VWA3B: variants seen among roughly 807,000 people sequenced by gnomAD.
VWA3B encodes the protein von Willebrand factor A domain containing 3B, also known as von Willebrand factor A domain-containing protein 3B.
A neutral mutation model predicts 158.3 loss-of-function variants in VWA3B; 138 were observed. The observed-to-expected ratio is 0.87, with a 90% CI of 0.76 to 1.00. The LOEUF is 1.00. VWA3B is among the 50% of genes least tolerant of loss of function. The pLI is 0.00. For synonymous variants in VWA3B, 596 were observed against 587.3 expected (o/e 1.01, Z -0.21); for missense variants, 1,555 against 1,565.1 (o/e 0.99, Z 0.11).
At chr2:98,306,396 C>A (rs997901261) in intron 26 of VWA3B, among the ~76,000 whole-genome samples, 6 of 152,184 alleles carry the variant, frequency 3.9e-5, no homozygotes, top group African/African-American at 1.4e-4. Flanking sequence ...TATACAGACA[C>A]ATGCTAGCAG....
At chr2:98,109,588 G>A (rs561735925) in intron 2 of VWA3B, among the ~76,000 whole-genome samples, 2 of 152,224 alleles carry the variant, frequency 1.3e-5, no homozygotes, top group African/African-American at 4.8e-5. Flanking sequence ...TTTGCCTATA[G>A]TTTTGCTTAC....
intron 23 of VWA3B, among the ~76,000 whole-genome samples, chr2:98,294,886 G>A (rs1025250019): frequency 1.3e-5 from 2 of 152,140 alleles, no homozygotes; most frequent in African/African-American, 2.4e-5. Flanking sequence ...CTTCTCCAAC[G>A]GGATTTAAAA....
chr2:98,222,589 C>T (rs1226803835), intron 14 of VWA3B, among the ~76,000 whole-genome samples: 1 of 152,076 alleles, frequency 6.6e-6, no homozygotes, highest in East Asian at 1.9e-4. Context: ...TCCCTGTGGG[C>T]CAAGGGCTCT....
At chr2:98,145,025 C>T (rs1378782659) in intron 7 of VWA3B, among the ~76,000 whole-genome samples, 2 of 152,154 alleles carry the variant, frequency 1.3e-5, no homozygotes. Flanking sequence ...GAGGCCAGCT[C>T]GATTAGTTTT....
At chr2:98,122,144 GT>G (rs1675018795) in intron 5 of VWA3B, 1 of 152,352 alleles carries the variant, frequency 6.6e-6, no homozygotes, top group Non-Finnish European at 1.5e-5. Context: ...CAGGGTCTGT[GT>G]TTCTGGGAGT....
At chr2:98,167,379 AC>A (rs1679175689) in intron 8 of VWA3B, among the ~76,000 whole-genome samples, 1 of 152,030 alleles carries the variant, frequency 6.6e-6, no homozygotes, top group African/African-American at 2.4e-5. Context: ...AAAAAAACTG[AC>A]AAAAATGTAT....
At chr2:98,097,815 T>C (rs1682815486) in intron 2 of VWA3B, among the ~76,000 whole-genome samples, 1 of 152,178 alleles carries the variant, frequency 6.6e-6, no homozygotes, top group Non-Finnish European at 1.5e-5. Context: ...TGGGGTAAGG[T>C]GGTGTATCAT....
At chr2:98,133,797 C>T (rs1346134138) in intron 6 of VWA3B, 27 bp from the exon 7 acceptor site, 6 of 1,605,804 alleles carry the variant, frequency 3.7e-6, no homozygotes, top group Non-Finnish European at 5.1e-6. Context: ...GTACTGCCTT[C>T]CTAATGAGCA....
chr2:98,123,327 G>C (rs1298866588), intron 5 of VWA3B, among the ~76,000 whole-genome samples: 1 of 152,230 alleles, frequency 6.6e-6, no homozygotes, highest in African/African-American at 2.4e-5. Flanking sequence ...AGCCAGGAAA[G>C]TGGGCATTGT....
intron 7 of VWA3B, among the ~76,000 whole-genome samples, chr2:98,158,568 C>T (rs1347202089): frequency 6.6e-6 from 1 of 152,198 alleles, no homozygotes; most frequent in Non-Finnish European, 1.5e-5. Flanking sequence ...GACAGGCAGC[C>T]AGGAACTGAA....
At chr2:98,283,752 A>G (rs2105927004) in intron 22 of VWA3B, among the ~76,000 whole-genome samples, 1 of 151,688 alleles carries the variant, frequency 6.6e-6, no homozygotes, top group African/African-American at 2.4e-5. Flanking sequence ...TCCTAAACAG[A>G]AATAGGGAAC....
chr2:98,105,988 T>C (rs538213877), intron 2 of VWA3B, among the ~76,000 whole-genome samples: 1 of 152,268 alleles, frequency 6.6e-6, no homozygotes, highest in Non-Finnish European at 1.5e-5. Flanking sequence ...CAATTTCAGC[T>C]CACTGCAAGA....
chr2:98,264,890 T>C (rs1279144130), intron 21 of VWA3B, among the ~76,000 whole-genome samples: 1 of 152,162 alleles, frequency 6.6e-6, no homozygotes, highest in Non-Finnish European at 1.5e-5. Flanking sequence ...GCTCTGATGC[T>C]AGGTGCACAT....
intron 21 of VWA3B, among the ~76,000 whole-genome samples, chr2:98,260,930 G>A (rs1293815624): frequency 1.3e-5 from 2 of 151,582 alleles, no homozygotes; most frequent in Non-Finnish European, 3.0e-5. Flanking sequence ...TAGGTCTAAA[G>A]TGAATCTCTT....
intron 6 of VWA3B, among the ~76,000 whole-genome samples, chr2:98,132,834 C>T (rs1039292094): frequency 3.3e-5 from 5 of 152,212 alleles, no homozygotes; most frequent in Admixed American, 2.6e-4. Context: ...TTTTAATTGC[C>T]GTCAAGTCAT....
intron 2 of VWA3B, among the ~76,000 whole-genome samples, chr2:98,100,494 G>A (rs1301154052): frequency 6.6e-6 from 1 of 152,254 alleles, no homozygotes; most frequent in African/African-American, 2.4e-5. Flanking sequence ...AAAGCCCATG[G>A]CGGCTGAGGC....
chr2:98,300,112 C>G lies in VWA3B; in HGVS notation c.3316C>G (p.Pro1106Ala). 1 of 1,614,204 alleles carries G rather than the reference C, an allele frequency of 6.2e-7. No homozygotes were observed. The highest frequency in any genetic ancestry group is 8.5e-7 in the Non-Finnish European group (1 of 1,180,030). ...GDYVFAKIVI[P>A]KGFDFYVPAI... ...TTATGTGTTTGCCAAAATTGTGATA[C>G]CCAAAGGATTTGACTTCTATGTCCC... is the stretch of plus-strand genomic sequence containing the variant. Residue 1106 changes from proline to alanine, a missense_variant, in exon 25 of 28, where the codon CCC becomes GCC. Physicochemically the swap from Pro to Ala is conservative, Grantham distance 27. Transcript: ENST00000477737.
the VWA3B span, among the ~76,000 whole-genome samples, chr2:98,318,533 A>G: frequency 6.6e-6 from 1 of 152,200 alleles, no homozygotes; most frequent in South Asian, 2.1e-4. Flanking sequence ...GAACACATGG[A>G]CACATGGTGG....
rs747497324 is a variant in VWA3B at position 98,300,142 on chromosome 2, A to G, written c.3346A>G (p.Ile1116Val). The change falls in exon 25 of 28, where the codon ATT becomes GTT. Residue 1116 changes from isoleucine (I) to valine (V), a missense_variant. By Grantham distance (29) the Ile-to-Val change is conservative (BLOSUM62 3). Transcript: ENST00000477737. ...PKGFDFYVPA[I>V]VIALPNKHVA... ...AGGATTTGACTTCTATGTCCCTGCC[A>G]TTGTCATAGCACTTCCCAATAAGCA... The G allele has an allele frequency of 1.9e-6, 3 of 1,614,100 alleles. No individual in the cohort carries two copies. In the African/African-American group the frequency reaches 4.0e-5, roughly 22 times the overall value.
Sources: gnomAD v4.1 joint callset for allele counts (sites outside exome capture counted in the v4.1 genomes callset) on GRCh38, gnomAD v4.1.1 for gene constraint, MANE v1.5 for transcripts, NCBI Gene and HGNC (gene_info 2026-07-23, HGNC 2026-07-21) for gene names.